NDE1: variants seen among roughly 807,000 people sequenced by gnomAD.
NDE1 encodes nudE neurodevelopment protein 1.
In NDE1, 28 loss-of-function variants were observed where a neutral mutation model predicts 43.4. The ratio of observed to expected loss-of-function variants is 0.65; its 90% CI spans 0.48 to 0.89. The LOEUF is 0.89. NDE1 is among the 40% of genes least tolerant of loss of function. NDE1 has a pLI of 0.00. For synonymous variants in NDE1, 184 were observed against 172.0 expected, an observed-to-expected ratio of 1.07 and a Z score of -0.55; for missense variants, 441 against 434.1, an observed-to-expected ratio of 1.02 and a Z score of -0.14.
intron 2 of NDE1, among the ~76,000 whole-genome samples, chr16:15,667,043 C>G (rs770437269): frequency 5.9e-5 from 9 of 152,074 alleles, no homozygotes; most frequent in Non-Finnish European, 1.2e-4. Context: ...GTCAGGAGAT[C>G]GAGACCAGCC....
intron 8 of NDE1, chr16:15,718,241 G>A: frequency 6.2e-7 from 1 of 1,600,734 alleles, no homozygotes; most frequent in Non-Finnish European, 8.5e-7. Flanking sequence ...CGCCACGCGT[G>A]TGTTGACTGG....
intron 4 of NDE1, 185 bp from the exon 5 acceptor site, chr16:15,687,190 A>G (rs1158436702): frequency 1.3e-6 from 2 of 1,514,262 alleles, no homozygotes; most frequent in Admixed American, 2.0e-5. Context: ...GATGAGTCCC[A>G]TTCTGCAGGT....
At chr16:15,707,570 C>T (rs749889807) in intron 8 of NDE1, among the ~76,000 whole-genome samples, 15 of 152,180 alleles carry the variant, frequency 9.9e-5, no homozygotes, top group East Asian at 3.8e-4. Context: ...CCTCACCCTG[C>T]GCTTTAAGTA....
intron 5 of NDE1, among the ~76,000 whole-genome samples, chr16:15,688,163 G>A (rs1314604933): frequency 3.3e-5 from 5 of 152,158 alleles, no homozygotes; most frequent in African/African-American, 1.2e-4. Flanking sequence ...GTGACAGAGT[G>A]AGACCCTGTC....
Position 15,694,320 on chromosome 16 carries a change from G to A in NDE1, c.795+64G>A, listed in dbSNP as rs763785685. ...CTGTCTTTCAGGATGTGTGAAGGGG[G>A]TTGATCTAGTTCCTTCCCTCTCTTC... is the stretch of plus-strand genomic sequence containing the variant. On this transcript the variant is annotated intron_variant, in intron 7 of 8. Transcript: ENST00000396354. The A allele has an allele frequency of 3.2e-6, 5 of 1,585,990 alleles. No homozygotes were observed. The South Asian group carries it at 3.4e-5, about 11-fold the overall frequency.
chr16:15,689,677 C>T (rs571376774), intron 5 of NDE1, among the ~76,000 whole-genome samples: 6 of 152,212 alleles, frequency 3.9e-5, no homozygotes, highest in Non-Finnish European at 7.4e-5. Context: ...CAGTGGCTCA[C>T]GCCTGTATTC....
Position 15,725,237 on chromosome 16 carries a change from T to C in NDE1, c.*986T>C. 1.7e-6 allele frequency: 1 copy of C among 600,330 alleles called. No homozygotes were observed. Among genetic ancestry groups the C allele is most frequent in the Non-Finnish European group, 2.9e-6 (1 of 340,400 alleles). 37.2% of individuals were successfully genotyped at this position (600,330 alleles called of 1,614,324 possible). On this transcript the variant is annotated 3_prime_UTR_variant, in exon 9 of 9. Coordinates refer to ENST00000396354, the MANE Select transcript of NDE1 (RefSeq NM_017668.3). The stretch of plus-strand genomic sequence containing the variant: ...GGGACCCTGGCCCTAGACTCTGTGG[T>C]TCTAAGAACTTATTTGAGCCCCAAT...
chr16:15,669,181 T>C (rs2037464277), intron 3 of NDE1, among the ~76,000 whole-genome samples: 2 of 149,942 alleles, frequency 1.3e-5, no homozygotes, highest in African/African-American at 4.9e-5. Context: ...AATACAGGCG[T>C]GAGCCACTGT....
chr16:15,667,973 T>C (rs2037402438), intron 3 of NDE1, among the ~76,000 whole-genome samples: 1 of 151,826 alleles, frequency 6.6e-6, no homozygotes, highest in Non-Finnish European at 1.5e-5. Context: ...GGAGACTTTT[T>C]TTTTTTTTTG....
chr16:15,712,687 A>C (rs12051525), intron 8 of NDE1, among the ~76,000 whole-genome samples: 3 of 152,092 alleles, frequency 2.0e-5, no homozygotes, highest in South Asian at 2.1e-4. Context: ...GGACAACCCC[A>C]CAGGTCGGGG....
At chr16:15,651,865 ATTAAC>A in intron 1 of NDE1, 1 of 152,130 alleles carries the variant, frequency 6.6e-6, no homozygotes, top group East Asian at 1.9e-4. Flanking sequence ...ATAACAGTTT[ATTAAC>A]TTGACTTATT....
chr16:15,715,267 TTC>T, intron 8 of NDE1: 1 of 1,614,138 alleles, frequency 6.2e-7, no homozygotes, highest in Non-Finnish European at 8.5e-7. Context: ...GGCCGCCTGT[TTC>T]TCTCTGCAAA....
chr16:15,697,611 G>C (rs920204667), intron 8 of NDE1, among the ~76,000 whole-genome samples: 2 of 152,070 alleles, frequency 1.3e-5, no homozygotes, highest in Non-Finnish European at 2.9e-5. Flanking sequence ...TACTCAGGAG[G>C]CTGAGGAAGG....
intron 3 of NDE1, 117 bp downstream of exon 3, chr16:15,667,556 C>G: frequency 7.8e-7 from 1 of 1,287,552 alleles, no homozygotes; most frequent in Non-Finnish European, 1.1e-6. Flanking sequence ...GGCCCATGCT[C>G]ATCTCTGGAA....
chr16:15,650,307 C>A lies in NDE1; in HGVS notation c.-44+13C>A, dbSNP rs959258801. 4 of 285,710 alleles carry A rather than the reference C, an allele frequency of 1.4e-5. No homozygotes were observed. The highest frequency in any genetic ancestry group is 2.9e-5 in the Non-Finnish European group (4 of 139,476). 17.7% of individuals were successfully genotyped at this position (285,710 alleles called of 1,614,324 possible). A position where few individuals can be genotyped will look rare whatever the true frequency, so the allele number is the denominator to read the frequency against. ...CGCCCCTGCTCGGGTAAGTGAGGCG[C>A]TGCGCGGGGCTGGGGTCGGGGTGGC... is the stretch of plus-strand genomic sequence containing the variant. On this transcript the variant is annotated intron_variant, in intron 1 of 8. Coordinates refer to ENST00000396354, the MANE Select transcript of NDE1 (RefSeq NM_017668.3).
intron 4 of NDE1, among the ~76,000 whole-genome samples, chr16:15,686,105 T>A (rs1427688874): frequency 1.3e-5 from 2 of 152,014 alleles, no homozygotes; most frequent in African/African-American, 4.8e-5. Flanking sequence ...GTGTGCACCA[T>A]CATGCCCGGC....
intron 1 of NDE1, among the ~76,000 whole-genome samples, chr16:15,656,515 T>C (rs1447204745): frequency 6.6e-6 from 1 of 151,354 alleles, no homozygotes. Context: ...AGAGGCTCTT[T>C]TCTTTTATTA....
intron 4 of NDE1, among the ~76,000 whole-genome samples, chr16:15,681,062 T>C (rs551738121): frequency 6.6e-6 from 1 of 151,680 alleles, no homozygotes; most frequent in African/African-American, 2.4e-5. Flanking sequence ...TAGGGAAGTC[T>C]CCTTGGTTCT....
intron 8 of NDE1, chr16:15,717,986 A>G: frequency 2.4e-6 from 1 of 424,502 alleles, no homozygotes; most frequent in South Asian, 2.2e-5. Context: ...CCAAGGGCTC[A>G]CTGGATAAGG....
Sources: gnomAD v4.1 joint callset for allele counts (sites outside exome capture counted in the v4.1 genomes callset) on GRCh38, gnomAD v4.1.1 for gene constraint, MANE v1.5 for transcripts, NCBI Gene and HGNC (gene_info 2026-07-23, HGNC 2026-07-21) for gene names.